SCAPER: variants seen among roughly 807,000 people sequenced by gnomAD.
SCAPER encodes S phase cyclin A-associated protein in the endoplasmic reticulum.
A neutral mutation model predicts 182.2 loss-of-function variants in SCAPER; 98 were observed. The observed-to-expected ratio is 0.54, with a 90% CI of 0.46 to 0.64. The LOEUF (loss-of-function observed/expected upper bound fraction) is 0.64. SCAPER is among the 30% of genes least tolerant of loss of function. The pLI is 0.00. For missense variants in SCAPER, 1,432 were observed against 1,690.0 expected, an observed-to-expected ratio of 0.85 and a Z score of 2.68; for synonymous variants, 605 against 564.6, an observed-to-expected ratio of 1.07 and a Z score of -1.01.
intron 24 of SCAPER, among the ~76,000 whole-genome samples, chr15:76,480,498 G>A (rs1426825113): frequency 1.3e-5 from 2 of 152,152 alleles, no homozygotes; most frequent in African/African-American, 4.8e-5. Flanking sequence ...GGCTGAAACT[G>A]AGACTTGGGT....
At chr15:76,739,996 C>T (rs1598453760) in intron 15 of SCAPER, among the ~76,000 whole-genome samples, 1 of 152,224 alleles carries the variant, frequency 6.6e-6, no homozygotes, top group South Asian at 2.1e-4. Flanking sequence ...GCAAGACCTC[C>T]ATCTCTACAA....
At chr15:76,498,153 T>C (rs1161748437) in intron 24 of SCAPER, among the ~76,000 whole-genome samples, 1 of 152,136 alleles carries the variant, frequency 6.6e-6, no homozygotes, top group Admixed American at 6.5e-5. Flanking sequence ...CACAGTAGGC[T>C]ACTACTACTA....
At position 76,750,312 on chromosome 15, in the gene SCAPER, A is replaced by G. The variant is rs1260303807; in HGVS notation, c.1866+3496T>C. ...TGATCAGTAATTTAGAAATCTCCTA[A>G]GAAAATCCCTGGACCTGATGGCTTT... On this transcript the variant is annotated intron_variant, in intron 15 of 31. Transcript: ENST00000563290. Among the ~76,000 whole-genome samples, 3 of 151,934 alleles carry G rather than the reference A, an allele frequency of 2.0e-5. No homozygotes were observed. The East Asian group carries it at 5.8e-4, about 29-fold the overall frequency.
intron 23 of SCAPER, among the ~76,000 whole-genome samples, chr15:76,538,051 AAAAGT>A (rs1305469970): frequency 6.6e-6 from 1 of 151,704 alleles, no homozygotes; most frequent in Non-Finnish European, 1.5e-5. Flanking sequence ...GTGATCATTA[AAAAGT>A]CAGGAAACAA....
At chr15:76,363,943 G>A (rs2041629803) in intron 29 of SCAPER, among the ~76,000 whole-genome samples, 1 of 152,132 alleles carries the variant, frequency 6.6e-6, no homozygotes, top group South Asian at 2.1e-4. Flanking sequence ...AGGCCTAGGA[G>A]CAATATGACA....
intron 27 of SCAPER, among the ~76,000 whole-genome samples, chr15:76,394,508 G>A (rs535053115): frequency 6.6e-6 from 1 of 152,274 alleles, no homozygotes; most frequent in South Asian, 2.1e-4. Flanking sequence ...TACACAAAAA[G>A]AGTGTCTATG....
chr15:76,734,569 G>A (rs1231953718), intron 15 of SCAPER, among the ~76,000 whole-genome samples: 2 of 152,164 alleles, frequency 1.3e-5, no homozygotes, highest in Non-Finnish European at 2.9e-5. Context: ...CCTTCAAACT[G>A]TACTGAACGT....
Position 76,774,999 on chromosome 15 carries a change from G to A in SCAPER, c.891C>T (p.Asp297=), listed in dbSNP as rs1568093292. The A allele has an allele frequency of 6.2e-7, 1 of 1,613,726 alleles. No homozygotes were observed. Among genetic ancestry groups the A allele is most frequent in the Non-Finnish European group, 8.5e-7 (1 of 1,179,760 alleles). The change falls in exon 9 of 32, where the codon GAC becomes GAT. Residue 297 remains aspartate (D), a synonymous_variant. Coordinates refer to ENST00000563290, the MANE Select transcript of SCAPER (RefSeq NM_020843.4). ...AAAGACATACATTTTCTTTATCACTGTCATCCTTTGATCTTGTGGCTTCTG... is the reference window on the plus strand; with the variant it reads ...AAAGACATACATTTTCTTTATCACTATCATCCTTTGATCTTGTGGCTTCTG... ...LATEATRSKD[D]SDKENVCLLP...
Position 76,702,864 on chromosome 15 carries a change from G to C in SCAPER, c.2386C>G (p.Leu796Val). The stretch of plus-strand genomic sequence containing the variant: ...TAACAACCTACCAGGACATTGCAGA[G>C]AGAACACTGCTTCTTTCTTTCATAA... ...TPYERKKQCS[L>V]CNVLISSEVY... The change falls in exon 19 of 32, where the codon CTC (leucine) becomes GTC (valine). Residue 796 changes from leucine to valine, a missense_variant. Coordinates refer to ENST00000563290, the MANE Select transcript of SCAPER (RefSeq NM_020843.4). 1 of 1,606,042 alleles carries C rather than the reference G, an allele frequency of 6.2e-7. No individual in the cohort carries two copies.
chr15:76,610,461 A>C (rs1435001409), intron 22 of SCAPER, among the ~76,000 whole-genome samples: 1 of 152,232 alleles, frequency 6.6e-6, no homozygotes, highest in Admixed American at 6.5e-5. Flanking sequence ...AAGAAAAATA[A>C]ATAAAATGCA....
intron 21 of SCAPER, among the ~76,000 whole-genome samples, chr15:76,647,420 G>A (rs752213192): frequency 1.5e-4 from 23 of 152,126 alleles, no homozygotes; most frequent in Non-Finnish European, 2.9e-4. Flanking sequence ...GCACAGGACT[G>A]GAATCCCTCA....
At chr15:76,672,475 T>C (rs1395708606) in intron 20 of SCAPER, among the ~76,000 whole-genome samples, 3 of 151,932 alleles carry the variant, frequency 2.0e-5, no homozygotes, top group Non-Finnish European at 2.9e-5. Context: ...AAAAATGATA[T>C]AAGGCATGAG....
intron 17 of SCAPER, among the ~76,000 whole-genome samples, chr15:76,715,028 C>A (rs1465639926): frequency 6.6e-6 from 1 of 152,112 alleles, no homozygotes; most frequent in Non-Finnish European, 1.5e-5. Context: ...TGCTGCTATA[C>A]CCTACCACAA....
chr15:76,400,547 G>A (rs1444328230), intron 27 of SCAPER, among the ~76,000 whole-genome samples: 9 of 152,172 alleles, frequency 5.9e-5, no homozygotes. Context: ...AAAACTCCCT[G>A]TATTCCTGTG....
At chr15:76,747,933 T>C (rs2061881487) in intron 15 of SCAPER, among the ~76,000 whole-genome samples, 1 of 151,948 alleles carries the variant, frequency 6.6e-6, no homozygotes, top group African/African-American at 2.4e-5. Context: ...AACAGACCAA[T>C]GAGAGGGTCT....
chr15:76,895,256 A>G (rs1277223990), intron 1 of SCAPER, among the ~76,000 whole-genome samples: 3 of 152,216 alleles, frequency 2.0e-5, no homozygotes, highest in Non-Finnish European at 4.4e-5. Context: ...GATACACCAC[A>G]TTAACAGAAC....
At chr15:76,827,681 G>A (rs777325948) in intron 5 of SCAPER, among the ~76,000 whole-genome samples, 49 of 152,066 alleles carry the variant, frequency 3.2e-4, no homozygotes, top group Non-Finnish European at 6.2e-4. Context: ...AAAAAAAAAT[G>A]CAAAAGATGA....
intron 25 of SCAPER, among the ~76,000 whole-genome samples, chr15:76,461,413 T>C (rs986600372): frequency 2.0e-5 from 3 of 152,006 alleles, no homozygotes; most frequent in African/African-American, 7.2e-5. Context: ...CATCCTACAT[T>C]TGTCCACTAA....
intron 1 of SCAPER, among the ~76,000 whole-genome samples, chr15:76,884,893 C>T (rs2073760388): frequency 6.6e-6 from 1 of 152,090 alleles, no homozygotes; most frequent in Admixed American, 6.5e-5. Flanking sequence ...AATTTAAAAA[C>T]ATCATGCTAA....
Sources: gnomAD v4.1 joint callset for allele counts (sites outside exome capture counted in the v4.1 genomes callset) on GRCh38, gnomAD v4.1.1 for gene constraint, MANE v1.5 for transcripts, NCBI Gene and HGNC (gene_info 2026-07-23, HGNC 2026-07-21) for gene names.